The following ARMH3 variants were observed in gnomAD, a reference collection of about 807,000 sequenced individuals.
The protein encoded by ARMH3 is armadillo like helical domain containing 3, also known as armadillo-like helical domain-containing protein 3.
Under a neutral mutation model 99.1 loss-of-function variants are expected in ARMH3, and 60 were observed. The observed-to-expected ratio is 0.61, with a 90% CI of 0.49 to 0.75. The LOEUF is 0.75. Among genes scored for constraint, ARMH3 ranks in the 30% least tolerant of loss-of-function variants. ARMH3 has a pLI of 0.00. For missense variants in ARMH3, 679 were observed against 843.1 expected (o/e 0.81, Z 2.41); for synonymous variants, 285 against 292.8 (o/e 0.97, Z 0.27).
At chr10:101,906,283 A>C (rs1431287933) in intron 23 of ARMH3, among the ~76,000 whole-genome samples, 1 of 152,208 alleles carries the variant, frequency 6.6e-6, no homozygotes, top group Non-Finnish European at 1.5e-5. Flanking sequence ...CTAGGGGTGA[A>C]GTTACTGGGT....
chr10:102,044,715 T>C (rs1166993968), intron 1 of ARMH3, among the ~76,000 whole-genome samples: 1 of 151,956 alleles, frequency 6.6e-6, no homozygotes, highest in South Asian at 2.1e-4. Context: ...TCTCTTCACA[T>C]TGAGGCAAAC....
intron 24 of ARMH3, among the ~76,000 whole-genome samples, chr10:101,862,929 C>T (rs749583570): frequency 9.2e-5 from 14 of 152,086 alleles, no homozygotes; most frequent in Non-Finnish European, 1.9e-4. Flanking sequence ...TTAAGCCAGG[C>T]GCGGTGGCTC....
intron 20 of ARMH3, among the ~76,000 whole-genome samples, chr10:101,972,013 T>C (rs747789487): frequency 1.4e-4 from 22 of 152,168 alleles, no homozygotes; most frequent in Non-Finnish European, 2.8e-4. Context: ...AGCCTAAATA[T>C]ATTTTCATAC....
At chr10:101,927,368 A>G (rs1843550761) in intron 23 of ARMH3, among the ~76,000 whole-genome samples, 1 of 152,214 alleles carries the variant, frequency 6.6e-6, no homozygotes, top group Admixed American at 6.5e-5. Flanking sequence ...CTCTCCTGCC[A>G]TCAGGGGGCC....
chr10:101,920,678 T>C (rs1020228539), intron 23 of ARMH3, among the ~76,000 whole-genome samples: 7 of 152,120 alleles, frequency 4.6e-5, no homozygotes, highest in Admixed American at 1.3e-4. Context: ...AACTAACTAC[T>C]AGATACTTGC....
At chr10:101,964,156 G>A (rs1845435219) in intron 20 of ARMH3, among the ~76,000 whole-genome samples, 1 of 152,154 alleles carries the variant, frequency 6.6e-6, no homozygotes, top group African/African-American at 2.4e-5. Context: ...GACTGCAGGT[G>A]TAAGCCACTG....
chr10:101,896,986 T>C (rs989500023), intron 23 of ARMH3, among the ~76,000 whole-genome samples: 3 of 152,194 alleles, frequency 2.0e-5, no homozygotes, highest in Admixed American at 6.5e-5. Context: ...TGTCAACTTT[T>C]GGCTGCTGGA....
At chr10:101,870,323 AACTG>A in intron 24 of ARMH3, among the ~76,000 whole-genome samples, 1 of 152,332 alleles carries the variant, frequency 6.6e-6, no homozygotes, top group Non-Finnish European at 1.5e-5. Context: ...ACAAGTAGTA[AACTG>A]ACTATTCCTA....
intron 23 of ARMH3, among the ~76,000 whole-genome samples, chr10:101,931,079 C>A (rs1284029200): frequency 6.6e-6 from 1 of 152,138 alleles, no homozygotes; most frequent in Non-Finnish European, 1.5e-5. Flanking sequence ...TATGCTATCT[C>A]TTAAACAGCA....
chr10:102,048,530 A>C (rs2067612479), intron 1 of ARMH3, among the ~76,000 whole-genome samples: 1 of 152,116 alleles, frequency 6.6e-6, no homozygotes, highest in Admixed American at 6.5e-5. Flanking sequence ...GGGTTCCAGC[A>C]ATTCTCCTGC....
chr10:102,038,645 C>T (rs1366730998), intron 2 of ARMH3, among the ~76,000 whole-genome samples: 2 of 152,172 alleles, frequency 1.3e-5, no homozygotes, highest in Non-Finnish European at 2.9e-5. Context: ...ACTACCAGTG[C>T]CCTCACAGAA....
In ARMH3 at chr10:101,944,116, G is replaced by A. The variant is rs555375833; in HGVS notation, c.1706-4178C>T. On this transcript the variant is annotated intron_variant, in intron 22 of 25. Coordinates refer to ENST00000370033, the MANE Select transcript of ARMH3 (RefSeq NM_024541.3). ...TACGTTCGATATATTCAGGAAGACTGAGGAAAATTTGAAAATGATGAGGAA... is the reference window on the plus strand; with the variant it reads ...TACGTTCGATATATTCAGGAAGACTAAGGAAAATTTGAAAATGATGAGGAA... 2.7e-5 allele frequency among the ~76,000 whole-genome samples: 4 copies of A among 149,310 alleles called. No homozygotes were observed. In the South Asian group the frequency reaches 8.5e-4, roughly 32 times the overall value.
intron 23 of ARMH3, among the ~76,000 whole-genome samples, chr10:101,915,901 T>C (rs1433358208): frequency 6.6e-6 from 1 of 151,716 alleles, no homozygotes; most frequent in African/African-American, 2.4e-5. Context: ...CCTCCCGGGT[T>C]CATGCCATTC....
At chr10:101,974,709 T>G (rs1382650198) in intron 20 of ARMH3, among the ~76,000 whole-genome samples, 1 of 152,192 alleles carries the variant, frequency 6.6e-6, no homozygotes, top group Non-Finnish European at 1.5e-5. Flanking sequence ...TGACACTGTC[T>G]GTAAACAGTA....
At chr10:102,021,527 T>C (rs553027569) in intron 8 of ARMH3, among the ~76,000 whole-genome samples, 1 of 151,846 alleles carries the variant, frequency 6.6e-6, no homozygotes, top group African/African-American at 2.4e-5. Context: ...AGACTACAGA[T>C]GCATATCACC....
intron 24 of ARMH3, among the ~76,000 whole-genome samples, chr10:101,856,890 T>C (rs1305720968): frequency 6.6e-6 from 1 of 152,162 alleles, no homozygotes; most frequent in African/African-American, 2.4e-5. Flanking sequence ...AGGCACTACT[T>C]ATTCTGCAAG....
At position 101,943,684 on chromosome 10, in the gene ARMH3, C is replaced by T. The variant is rs185830532; in HGVS notation, c.1706-3746G>A. Among the ~76,000 whole-genome samples, 9 of 152,024 alleles carry T rather than the reference C, an allele frequency of 5.9e-5. No homozygotes were observed. In the East Asian group the frequency reaches 9.7e-4, roughly 16 times the overall value. ...GAACCATAAGAAACAAAAAAATATACGAAGCATAAGCAGAGGGAAAATCAG... is the reference window on the plus strand; with the variant it reads ...GAACCATAAGAAACAAAAAAATATATGAAGCATAAGCAGAGGGAAAATCAG... On this transcript the variant is annotated intron_variant, in intron 22 of 25. Coordinates refer to ENST00000370033, the MANE Select transcript of ARMH3 (RefSeq NM_024541.3).
intron 20 of ARMH3, among the ~76,000 whole-genome samples, chr10:101,968,352 G>C (rs1590104008): frequency 1.3e-5 from 2 of 152,144 alleles, no homozygotes; most frequent in Admixed American, 1.3e-4. Context: ...CCATGTCTCA[G>C]TGGAGCCATC....
intron 15 of ARMH3, among the ~76,000 whole-genome samples, chr10:101,998,049 G>C (rs1847142231): frequency 6.6e-6 from 1 of 152,096 alleles, no homozygotes; most frequent in South Asian, 2.1e-4. Flanking sequence ...GTTGCCTGTT[G>C]GCCAAGACCA....
Sources: allele counts gnomAD v4.1 joint callset (sites outside exome capture counted in the v4.1 genomes callset), GRCh38; gene constraint gnomAD v4.1.1; transcripts MANE v1.5; gene names NCBI Gene and HGNC (gene_info 2026-07-23, HGNC 2026-07-21).